Variants in ABR observed in about 807,000 individuals in gnomAD.
ABR encodes ABR activator of RhoGEF and GTPase.
Under a neutral mutation model 107.2 loss-of-function variants are expected in ABR, and 35 were observed. That is an observed-to-expected ratio of 0.33 (90% CI 0.25 to 0.43). The LOEUF is 0.43. Among genes scored for constraint, ABR ranks in the 20% least tolerant of loss-of-function variants. The probability of loss-of-function intolerance (pLI) is 1.00; values close to 1 mark genes in which losing one functional copy is unlikely to be tolerated. For missense variants in ABR, 815 were observed against 1,115.2 expected (o/e 0.73, Z 3.83); for synonymous variants, 498 against 462.0 (o/e 1.08, Z -1.00).
intron 1 of ABR, among the ~76,000 whole-genome samples, chr17:1,139,637 C>G (rs528267064): frequency 4.6e-5 from 7 of 151,978 alleles, no homozygotes; most frequent in Non-Finnish European, 8.8e-5. Context: ...ATTTCTGCCT[C>G]CGTACCATTA....
At chr17:1,046,247 G>A (rs1306397904) in intron 16 of ABR, among the ~76,000 whole-genome samples, 5 of 132,676 alleles carry the variant, frequency 3.8e-5, no homozygotes, top group African/African-American at 1.3e-4. Flanking sequence ...CTCCTAATCC[G>A]CCCGCCTCGG....
intron 18 of ABR, chr17:1,012,251 GT>G: frequency 3.0e-6 from 2 of 667,292 alleles, no homozygotes; most frequent in Non-Finnish European, 5.5e-6. Context: ...GGGAAAGAAC[GT>G]CCCCCAGATT....
At chr17:1,175,355 T>C (rs926663319) in intron 1 of ABR, among the ~76,000 whole-genome samples, 2 of 151,950 alleles carry the variant, frequency 1.3e-5, no homozygotes, top group African/African-American at 4.8e-5. Flanking sequence ...GAGGTTGCAG[T>C]GAGCCGAGAT....
chr17:1,061,462 G>A (rs193279615), intron 10 of ABR, among the ~76,000 whole-genome samples: 1 of 152,284 alleles, frequency 6.6e-6, no homozygotes, highest in Admixed American at 6.5e-5. Context: ...GCTTTCCCCT[G>A]TTCAAAGGGA....
Position 1,050,585 on chromosome 17 carries a change from T to C in ABR, c.1611A>G (p.Lys537=). Reference sequence around the variant, plus strand: ...TGTCCCGGAACACCCTGGTTTTGGCTTTGCTGACAAAATAGCCGAAGGAAT... The same window carrying C: ...TGTCCCGGAACACCCTGGTTTTGGCCTTGCTGACAAAATAGCCGAAGGAAT... ...EVDSFGYFVS[K]AKTRVFRDTA... is the part of the protein sequence containing the mutation. The change falls in exon 15 of 23, where the codon AAA becomes AAG. Residue 537 remains lysine, a synonymous_variant. Coordinates refer to ENST00000302538, the MANE Select transcript of ABR (RefSeq NM_021962.5). This position sits in a 1 kb window ranked among gnomAD's most constrained non-coding sequence, Gnocchi z 4.6. 1 of 1,613,940 alleles carries C rather than the reference T, an allele frequency of 6.2e-7. No individual in the cohort carries two copies. The highest frequency in any genetic ancestry group is 1.1e-5 in the South Asian group (1 of 91,072).
At chr17:1,086,508 T>A (rs1344828795) in intron 4 of ABR, among the ~76,000 whole-genome samples, 1 of 152,022 alleles carries the variant, frequency 6.6e-6, no homozygotes, top group Non-Finnish European at 1.5e-5. Context: ...TACACTTTTT[T>A]TTTTTTTTTT....
intron 1 of ABR, among the ~76,000 whole-genome samples, chr17:1,227,356 T>C (rs899814351): frequency 4.6e-5 from 7 of 152,052 alleles, no homozygotes; most frequent in African/African-American, 1.7e-4. Context: ...GCCAGTTGGG[T>C]AGCCTCCACC....
chr17:1,178,489 G>C (rs1053438273), intron 1 of ABR, among the ~76,000 whole-genome samples: 9 of 151,848 alleles, frequency 5.9e-5, no homozygotes, highest in Non-Finnish European at 1.2e-4. Flanking sequence ...ACTTGAACCC[G>C]GGAGGCAGAG....
At chr17:1,087,996 C>T (rs1324820023) in intron 4 of ABR, among the ~76,000 whole-genome samples, 5 of 152,328 alleles carry the variant, frequency 3.3e-5, no homozygotes, top group Middle Eastern at 3.4e-3. Flanking sequence ...ACAGCAGAGA[C>T]GCTAATTCCC....
In ABR at chr17:1,037,078, C is replaced by CCCATCCTTCCATCCATCCAT. The variant is rs1555542893; in HGVS notation, c.1791+12952_1791+12971dup. Among the ~76,000 whole-genome samples the CCCATCCTTCCATCCATCCAT allele has an allele frequency of 7.5e-6, 1 of 133,134 alleles. No homozygotes were observed. The highest frequency in any genetic ancestry group is 1.6e-5 in the Non-Finnish European group (1 of 62,572). The allele number at this position is 133,134 out of a possible 152,430, so 87.3% of individuals were successfully genotyped here. On this transcript the variant is annotated intron_variant, in intron 16 of 22. Coordinates refer to ENST00000302538, the MANE Select transcript of ABR (RefSeq NM_021962.5). This position sits in a 1 kb window ranked among gnomAD's most constrained non-coding sequence, Gnocchi z 4.6. ...ATCCACCCATCCATCCACCCACCCA[C>CCCATCCTTCCATCCATCCAT]CCATCCTTCCATCCATCCATCCATC... is the stretch of plus-strand genomic sequence containing the variant.
chr17:1,227,345 G>A (rs2043241104), intron 1 of ABR, among the ~76,000 whole-genome samples: 1 of 152,108 alleles, frequency 6.6e-6, no homozygotes, highest in Admixed American at 6.6e-5. Flanking sequence ...AAGCAGCTGG[G>A]GCCAGTTGGG....
intron 1 of ABR, among the ~76,000 whole-genome samples, chr17:1,128,132 G>A (rs1379387731): frequency 6.6e-6 from 1 of 152,224 alleles, no homozygotes; most frequent in African/African-American, 2.4e-5. Context: ...GGCTCGGCCT[G>A]CGAACATTTC....
At chr17:1,146,576 G>T (rs561435850) in intron 1 of ABR, among the ~76,000 whole-genome samples, 57 of 151,744 alleles carry the variant, frequency 3.8e-4, no homozygotes, top group African/African-American at 1.3e-3. Context: ...TCCCTTCAGT[G>T]CCCAGACACC....
rs183525236 is a variant in ABR, at chr17:1,164,590, C to T, written c.61+15077G>A. Among the ~76,000 whole-genome samples, 700 of 152,292 alleles carry T rather than the reference C, an allele frequency of 4.6e-3. 2 individuals carry two copies. The highest frequency in any genetic ancestry group is 7.4e-3 in the Non-Finnish European group (503 of 68,028). Reference sequence around the variant, plus strand: ...TTCGGTCTACAGATAAAATGCAAGACGCCCAGTGAACATGAACGTCGGGTG... The same window carrying T: ...TTCGGTCTACAGATAAAATGCAAGATGCCCAGTGAACATGAACGTCGGGTG... On this transcript the variant is annotated intron_variant, in intron 1 of 22. Coordinates refer to ENST00000302538, the MANE Select transcript of ABR (RefSeq NM_021962.5).
At chr17:1,079,557 G>A (rs2036042811) in intron 5 of ABR, among the ~76,000 whole-genome samples, 167 bp from the exon 6 acceptor site, 1 of 152,090 alleles carries the variant, frequency 6.6e-6, no homozygotes, top group Non-Finnish European at 1.5e-5. Context: ...GAGAGGCCGT[G>A]GTGGGCGGAT....
At chr17:1,161,220 G>A (rs7210886) in intron 1 of ABR, among the ~76,000 whole-genome samples, 5,074 of 148,654 alleles carry the variant, frequency 0.034, 124 homozygotes, top group Middle Eastern at 0.079. Flanking sequence ...AGGTTTTGTT[G>A]GAAATCCCCG....
chr17:1,013,281 G>C, intron 16 of ABR, 117 bp from the exon 17 acceptor site: 1 of 983,870 alleles, frequency 1.0e-6, no homozygotes, highest in Non-Finnish European at 1.6e-6. Context: ...GAAGTGAGCA[G>C]CTGGGATAAG....
intron 2 of ABR, among the ~76,000 whole-genome samples, chr17:1,110,128 C>T (rs551499549): frequency 1.9e-4 from 29 of 151,500 alleles, no homozygotes; most frequent in African/African-American, 6.1e-4. Context: ...GGACAGGCAC[C>T]ATCTCCGGCC....
At chr17:1,062,736 C>T (rs2034164404) in intron 10 of ABR, among the ~76,000 whole-genome samples, 2 of 147,684 alleles carry the variant, frequency 1.4e-5, no homozygotes, top group African/African-American at 2.4e-5. Flanking sequence ...ATGCATGTTC[C>T]TCTAGACACT....
Sources: gnomAD v4.1 joint callset for allele counts (sites outside exome capture counted in the v4.1 genomes callset) on GRCh38, gnomAD v4.1.1 for gene constraint, Gnocchi (gnomAD v3.1) non-coding constraint, MANE v1.5 for transcripts, NCBI Gene and HGNC (gene_info 2026-07-23, HGNC 2026-07-21) for gene names.